The following PXYLP1 variants were observed in gnomAD, a reference collection of about 807,000 sequenced individuals.
PXYLP1 encodes acid phosphatase-like 2.
A neutral mutation model predicts 37.9 loss-of-function variants in PXYLP1; 17 were observed. That is an observed-to-expected ratio of 0.45 (90% CI 0.31 to 0.67). PXYLP1 has a LOEUF of 0.67. Ranked by LOEUF, PXYLP1 falls within the 30% of genes least tolerant of loss-of-function variation. PXYLP1 has a pLI of 0.07. For synonymous variants in PXYLP1, 221 were observed against 232.2 expected (o/e 0.95, Z 0.44); for missense variants, 511 against 612.0 (o/e 0.84, Z 1.74).
chr3:141,257,136 T>A (rs150392447), intron 1 of PXYLP1, among the ~76,000 whole-genome samples: 1 of 152,362 alleles, frequency 6.6e-6, no homozygotes, highest in East Asian at 1.9e-4. Flanking sequence ...AGATCCTGGC[T>A]TAGAATTTCC....
Position 141,287,303 on chromosome 3 carries a change from C to T in PXYLP1, c.366-11C>T. The stretch of plus-strand genomic sequence containing the variant: ...CACTCTGACCTCTAACTCTCTCTAT[C>T]ATCTCTCTAGGAAACCGTATCACCC... On this transcript the variant is annotated splice_polypyrimidine_tract_variant and intron_variant, in intron 4 of 5. Transcript: ENST00000286353. 1 of 1,613,318 alleles carries T rather than the reference C, an allele frequency of 6.2e-7. No individual in the cohort carries two copies. Among genetic ancestry groups the T allele is most frequent in the South Asian group, 1.1e-5 (1 of 90,978 alleles).
chr3:141,287,717 C>T lies in PXYLP1; in HGVS notation c.505+264C>T, dbSNP rs985555922. On this transcript the variant is annotated intron_variant, in intron 5 of 5. Coordinates refer to ENST00000286353, the MANE Select transcript of PXYLP1 (RefSeq NM_001037172.3). ...AAGTAAAAAGAAGAAAAAGTTTAAG[C>T]AACCGTAATTCCACCACAGAAATAG... 2.6e-5 allele frequency among the ~76,000 whole-genome samples: 4 copies of T among 152,206 alleles called. No homozygotes were observed. In the East Asian group the frequency reaches 5.8e-4, roughly 22 times the overall value.
intron 1 of PXYLP1, among the ~76,000 whole-genome samples, chr3:141,257,683 C>T (rs1323974722): frequency 6.6e-6 from 1 of 152,048 alleles, no homozygotes; most frequent in Non-Finnish European, 1.5e-5. Context: ...AGGCAGATCA[C>T]CTGAGATCAG....
intron 1 of PXYLP1, among the ~76,000 whole-genome samples, chr3:141,246,497 C>T (rs1043558198): frequency 6.6e-5 from 10 of 152,116 alleles, no homozygotes; most frequent in Admixed American, 1.3e-4. Context: ...AGCTGGGATC[C>T]AGGGCATGGT....
rs3069374 is a variant in PXYLP1 at position 141,282,483 on chromosome 3, A to AACACACACAC, written c.365+3001_365+3010dup. On this transcript the variant is annotated intron_variant, in intron 4 of 5. Transcript: ENST00000286353. ...CATCTGTTACTTTCTAACCCAGACA[A>AACACACACAC]ACACACACACACACACACACACACA... 2.2e-3 allele frequency among the ~76,000 whole-genome samples: 326 copies of AACACACACAC among 147,646 alleles called. 3 individuals carry two copies. In the East Asian group the frequency reaches 0.036, roughly 16 times the overall value.
intron 1 of PXYLP1, among the ~76,000 whole-genome samples, chr3:141,253,705 A>AAC (rs3069338): frequency 6.6e-6 from 1 of 150,626 alleles, no homozygotes; most frequent in Non-Finnish European, 1.5e-5. Flanking sequence ...AAAAAAAAAA[A>AAC]CACCTTTAAC....
chr3:141,293,158 G>T lies in PXYLP1; in HGVS notation c.1396G>T (p.Gly466Cys). 6.2e-7 allele frequency: 1 copy of T among 1,614,056 alleles called. No homozygotes were observed. The highest frequency in any genetic ancestry group is 8.5e-7 in the Non-Finnish European group (1 of 1,180,040). Residue 466 changes from glycine to cysteine, a missense_variant, in exon 6 of 6, where the codon GGC (glycine) becomes TGC (cysteine). Coordinates refer to ENST00000286353, the MANE Select transcript of PXYLP1 (RefSeq NM_001037172.3). Reference protein sequence around the residue: ...VKRDMFVALGGSGTNYYDACH... With the variant: ...VKRDMFVALGCSGTNYYDACH... ...AAGGGACATGTTTGTAGCCCTGGGT[G>T]GCAGTGGTACAAATTATTATGATGC...
intron 1 of PXYLP1, among the ~76,000 whole-genome samples, chr3:141,239,070 A>G (rs1254805433): frequency 6.6e-6 from 1 of 152,078 alleles, no homozygotes; most frequent in Non-Finnish European, 1.5e-5. Context: ...TGTCTTAAAA[A>G]AAAAAAAAAA....
At chr3:141,288,373 T>C (rs1942124658) in intron 5 of PXYLP1, among the ~76,000 whole-genome samples, 1 of 152,088 alleles carries the variant, frequency 6.6e-6, no homozygotes, top group African/African-American at 2.4e-5. Flanking sequence ...CCTCTTAGGT[T>C]TTGCCATTAT....
intron 1 of PXYLP1, among the ~76,000 whole-genome samples, chr3:141,233,216 C>CCAGCA (rs1278064365): frequency 6.6e-6 from 1 of 152,136 alleles, no homozygotes. Flanking sequence ...GCCTGTAATC[C>CCAGCA]CAGCACTTTG....
chr3:141,248,758 T>C lies in PXYLP1; in HGVS notation c.-53-11365T>C, dbSNP rs201473583. Among the ~76,000 whole-genome samples, 45 of 17,444 alleles carry C rather than the reference T, an allele frequency of 2.6e-3. 5 individuals carry two copies. The highest frequency in any genetic ancestry group is 0.021 in the African/African-American group (17 of 826). 11.4% of individuals were successfully genotyped at this position (17,444 alleles called of 152,430 possible). ...GTGTATATATACACACGTATATATATACACACACGTGTATATATACACACG... is the reference window on the plus strand; with the variant it reads ...GTGTATATATACACACGTATATATACACACACACGTGTATATATACACACG... On this transcript the variant is annotated intron_variant, in intron 1 of 5. Coordinates refer to ENST00000286353, the MANE Select transcript of PXYLP1 (RefSeq NM_001037172.3).
At position 141,292,202 on chromosome 3, in the gene PXYLP1, C is replaced by T; in HGVS notation, c.506-66C>T. On this transcript the variant is annotated intron_variant, in intron 5 of 5. Transcript: ENST00000286353. The surrounding 1 kb of genome is among the most constrained non-coding windows in gnomAD (Gnocchi z 4.3). The stretch of plus-strand genomic sequence containing the variant: ...ACACTCCAGAGCCACACGCTGACTC[C>T]ACCTCCCCTTGCTGTTTCTTTTGCT... The T allele has an allele frequency of 6.8e-7, 1 of 1,469,406 alleles. No homozygotes were observed. The highest frequency in any genetic ancestry group is 9.2e-7 in the Non-Finnish European group (1 of 1,087,628). The allele number at this position is 1,469,406 out of a possible 1,614,324, so 91.0% of individuals were successfully genotyped here. A position where few individuals can be genotyped will look rare whatever the true frequency, so the allele number is the denominator to read the frequency against.
At chr3:141,266,421 C>T (rs1314242413) in intron 2 of PXYLP1, among the ~76,000 whole-genome samples, 2 of 152,070 alleles carry the variant, frequency 1.3e-5, no homozygotes, top group Non-Finnish European at 2.9e-5. Context: ...CTGTCAGCTT[C>T]TGAATTTGTG....
chr3:141,277,504 T>C (rs1179956728), intron 2 of PXYLP1, among the ~76,000 whole-genome samples: 1 of 151,976 alleles, frequency 6.6e-6, no homozygotes, highest in African/African-American at 2.4e-5. Flanking sequence ...ACATTTCCAT[T>C]CTTACAGATT....
At chr3:141,270,255 A>T (rs1465397543) in intron 2 of PXYLP1, among the ~76,000 whole-genome samples, 1 of 152,274 alleles carries the variant, frequency 6.6e-6, no homozygotes, top group African/African-American at 2.4e-5. Flanking sequence ...AAATGGCAAG[A>T]GCAGATTCAA....
At chr3:141,290,634 G>A (rs982501387) in intron 5 of PXYLP1, among the ~76,000 whole-genome samples, 1 of 152,164 alleles carries the variant, frequency 6.6e-6, no homozygotes, top group Non-Finnish European at 1.5e-5. Flanking sequence ...GGCTATGTTT[G>A]GCAAGTATAA....
intron 1 of PXYLP1, among the ~76,000 whole-genome samples, chr3:141,233,013 G>A (rs1576569014): frequency 7.5e-6 from 1 of 133,808 alleles, no homozygotes; most frequent in Non-Finnish European, 1.7e-5. Context: ...AAATGGAGCC[G>A]TTTGTTGATA....
At chr3:141,247,731 A>G (rs1038021115) in intron 1 of PXYLP1, among the ~76,000 whole-genome samples, 6 of 152,244 alleles carry the variant, frequency 3.9e-5, no homozygotes, top group Non-Finnish European at 8.8e-5. Context: ...AATACAGTAT[A>G]GCTTTTTGCC....
In PXYLP1 at chr3:141,293,647, TTTTCTG is replaced by T. The variant is rs56083765; in HGVS notation, c.*444_*449del. 23,817 of 165,944 alleles carry T rather than the reference TTTTCTG, an allele frequency of 0.14. 2,384 individuals are homozygous for T. Among genetic ancestry groups the T allele is most frequent in the Non-Finnish European group, 0.2 (14,746 of 75,054 alleles). 10.3% of individuals were successfully genotyped at this position (165,944 alleles called of 1,614,324 possible). A position where few individuals can be genotyped will look rare whatever the true frequency, so the allele number is the denominator to read the frequency against. ...TATCTAAAATAAAGGTTGGCAAACT[TTTTCTG>T]TAAAGGGCCAGATTGTAAATATTTC... is the stretch of plus-strand genomic sequence containing the variant. On this transcript the variant is annotated 3_prime_UTR_variant, in exon 6 of 6. Transcript: ENST00000286353.
Sources: gnomAD v4.1 joint callset for allele counts (sites outside exome capture counted in the v4.1 genomes callset) on GRCh38, gnomAD v4.1.1 for gene constraint, Gnocchi (gnomAD v3.1) non-coding constraint, MANE v1.5 for transcripts, NCBI Gene and HGNC (gene_info 2026-07-23, HGNC 2026-07-21) for gene names.